The following IKZF3 variants were observed in gnomAD, a reference collection of about 807,000 sequenced individuals.
IKZF3 encodes the protein IKAROS family zinc finger 3.
Under a neutral mutation model 49.0 loss-of-function variants are expected in IKZF3, and 10 were observed. The observed-to-expected ratio is 0.20, with a 90% CI of 0.13 to 0.35. The LOEUF is 0.35. IKZF3 is among the 10% of genes least tolerant of loss of function. The pLI is 1.00. For synonymous variants in IKZF3, 209 were observed against 228.2 expected (o/e 0.92, Z 0.76); for missense variants, 498 against 664.8 (o/e 0.75, Z 2.76).
intron 3 of IKZF3, among the ~76,000 whole-genome samples, chr17:39,804,401 T>C (rs1050070894): frequency 6.8e-6 from 1 of 148,010 alleles, no homozygotes; most frequent in South Asian, 2.1e-4. Flanking sequence ...TGAGCCAAGA[T>C]AGCTCCACTG....
intron 1 of IKZF3, chr17:39,835,970 T>C: frequency 1.6e-6 from 1 of 633,878 alleles, no homozygotes; most frequent in East Asian, 3.3e-5. Flanking sequence ...GCCACGGAGG[T>C]TTGTTGATGT....
Position 39,760,153 on chromosome 17 carries a change from C to T in IKZF3, c.*5637G>A, listed in dbSNP as rs2060147276. 7.3e-6 allele frequency: 1 copy of T among 136,462 alleles called. No individual in the cohort carries two copies. The highest frequency in any genetic ancestry group is 1.5e-5 in the Non-Finnish European group (1 of 64,632). 8.5% of individuals were successfully genotyped at this position (136,462 alleles called of 1,614,324 possible). A position where few individuals can be genotyped will look rare whatever the true frequency, so the allele number is the denominator to read the frequency against. The stretch of plus-strand genomic sequence containing the variant: ...AACAGTACTATTTTTTTCCTTAAAA[C>T]ATTCTTTTTTTTTTTTTTTTTGAGA... On this transcript the variant is annotated 3_prime_UTR_variant, in exon 8 of 8. Coordinates refer to ENST00000346872, the MANE Select transcript of IKZF3 (RefSeq NM_012481.5).
In IKZF3 at chr17:39,760,134, A is replaced by T. The variant is rs989191388; in HGVS notation, c.*5656T>A. The T allele has an allele frequency of 1.9e-5, 2 of 104,280 alleles. No homozygotes were observed. The highest frequency in any genetic ancestry group is 7.1e-5 in the African/African-American group (2 of 27,982). The allele number at this position is 104,280 out of a possible 1,614,324, so 6.5% of individuals were successfully genotyped here. Reference sequence around the variant, plus strand: ...ATCACCTGGGATTATATGTAACAGTACTATTTTTTTCCTTAAAACATTCTT... The same window carrying T: ...ATCACCTGGGATTATATGTAACAGTTCTATTTTTTTCCTTAAAACATTCTT... On this transcript the variant is annotated 3_prime_UTR_variant, in exon 8 of 8. Transcript: ENST00000346872.
At chr17:39,812,532 G>A (rs1252069907) in intron 3 of IKZF3, among the ~76,000 whole-genome samples, 1 of 152,140 alleles carries the variant, frequency 6.6e-6, no homozygotes, top group Admixed American at 6.6e-5. Flanking sequence ...ATACAAAATT[G>A]TTGAAAATTT....
At chr17:39,816,395 C>G (rs9898031) in intron 3 of IKZF3, among the ~76,000 whole-genome samples, 8,680 of 152,232 alleles carry the variant, frequency 0.057, 381 homozygotes, top group African/African-American at 0.12. Context: ...AATGTATACA[C>G]TAGGTTAGGA....
rs759492353 is a variant in IKZF3 at position 39,864,123 on chromosome 17, C to T, written c.4G>A (p.Glu2Lys). M[E>K]DIQTNAELKS... ...AAGAAGCGGGCTGGAGGCTCACCTT[C>T]CATGTCGCTGCCGGGCCGGGCTGGA... The change falls in exon 1 of 8, where the codon GAA becomes AAA. Residue 2 changes from glutamate to lysine, a missense_variant. Physicochemically the swap from Glu to Lys is moderately conservative, Grantham distance 56. Transcript: ENST00000346872. The T allele has an allele frequency of 1.2e-6, 2 of 1,612,816 alleles. No homozygotes were observed. The highest frequency in any genetic ancestry group is 1.7e-6 in the Non-Finnish European group (2 of 1,179,524).
rs1386664681 is a variant in IKZF3 at position 39,760,048 on chromosome 17, A to G, written c.*5742T>C. 5 of 151,672 alleles carry G rather than the reference A, an allele frequency of 3.3e-5. No individual in the cohort carries two copies. The highest frequency in any genetic ancestry group is 6.6e-5 in the Admixed American group (1 of 15,232). The allele number at this position is 151,672 out of a possible 1,614,324, so 9.4% of individuals were successfully genotyped here. A position where few individuals can be genotyped will look rare whatever the true frequency, so the allele number is the denominator to read the frequency against. On this transcript the variant is annotated 3_prime_UTR_variant, in exon 8 of 8. Transcript: ENST00000346872. ...TTCCAAATCTCTGCTAGAGTCCAAC[A>G]TACCTCTTCTCAGTGGGGTACTCTT... is the stretch of plus-strand genomic sequence containing the variant.
chr17:39,758,372 CATGAGT>C lies in IKZF3; in HGVS notation c.*7412_*7417del, dbSNP rs2060110037. On this transcript the variant is annotated 3_prime_UTR_variant, in exon 8 of 8. Transcript: ENST00000346872. ...GCCTTGTCTGCTAGCCTGGAGTATA[CATGAGT>C]CACTGGCGGTGGGATCAGTCATTTT... 3.3e-5 allele frequency: 5 copies of C among 152,334 alleles called. No individual in the cohort carries two copies. In the South Asian group the frequency reaches 1.0e-3, roughly 32 times the overall value. The allele number at this position is 152,334 out of a possible 1,614,324, so 9.4% of individuals were successfully genotyped here.
At position 39,811,885 on chromosome 17, in the gene IKZF3, C is replaced by T. The variant is rs191526477; in HGVS notation, c.163+17502G>A. Among the ~76,000 whole-genome samples, 17 of 152,284 alleles carry T rather than the reference C, an allele frequency of 1.1e-4. No homozygotes were observed. The East Asian group carries it at 3.1e-3, about 28-fold the overall frequency. On this transcript the variant is annotated intron_variant, in intron 3 of 7. Coordinates refer to ENST00000346872, the MANE Select transcript of IKZF3 (RefSeq NM_012481.5). ...TTTGGGACACAATCAAGTACAATAA[C>T]ACCCTGCCACAATACAATGTGTACA...
In IKZF3 at chr17:39,859,708, T is replaced by C. The variant is rs148367674; in HGVS notation, c.7+4412A>G. Among the ~76,000 whole-genome samples, 175 of 152,286 alleles carry C rather than the reference T, an allele frequency of 1.1e-3. 1 individual carries two copies. The highest frequency in any genetic ancestry group is 3.9e-3 in the African/African-American group (161 of 41,570). On this transcript the variant is annotated intron_variant, in intron 1 of 7. Coordinates refer to ENST00000346872, the MANE Select transcript of IKZF3 (RefSeq NM_012481.5). The stretch of plus-strand genomic sequence containing the variant: ...CTGGCCTCATCCTTATAATTTCTAA[T>C]TATCATAAATATACCAGTTAATATG...
At chr17:39,792,216 T>C (rs1006979076) in intron 4 of IKZF3, among the ~76,000 whole-genome samples, 3 of 152,218 alleles carry the variant, frequency 2.0e-5, no homozygotes, top group Non-Finnish European at 4.4e-5. Flanking sequence ...GTTGTGTTTG[T>C]ATGCATTTCT....
chr17:39,798,981 T>TTGTG lies in IKZF3; in HGVS notation c.164-6052_164-6049dup, dbSNP rs549312728. On this transcript the variant is annotated intron_variant, in intron 3 of 7. Coordinates refer to ENST00000346872, the MANE Select transcript of IKZF3 (RefSeq NM_012481.5). ...TAGCTGAGGGCAGAAGCTATACAGA[T>TTGTG]TGTGTGTGTGTGTGCGTGTGTGTGT... Among the ~76,000 whole-genome samples, 4 of 103,308 alleles carry TTGTG rather than the reference T, an allele frequency of 3.9e-5. No individual in the cohort carries two copies. In the South Asian group the frequency reaches 1.5e-3, roughly 40 times the overall value. 67.8% of individuals were successfully genotyped at this position (103,308 alleles called of 152,430 possible). A position where few individuals can be genotyped will look rare whatever the true frequency, so the allele number is the denominator to read the frequency against.
At chr17:39,780,064 C>T (rs2060698615) in intron 6 of IKZF3, among the ~76,000 whole-genome samples, 1 of 151,922 alleles carries the variant, frequency 6.6e-6, no homozygotes, top group Non-Finnish European at 1.5e-5. Flanking sequence ...ATTAGCTGGG[C>T]ATGTTGGCAT....
intron 3 of IKZF3, among the ~76,000 whole-genome samples, chr17:39,810,477 A>G (rs1350210231): frequency 6.6e-6 from 1 of 152,178 alleles, no homozygotes; most frequent in Admixed American, 6.5e-5. Flanking sequence ...AAAATACATA[A>G]GTAAGCTTTT....
In IKZF3 at chr17:39,762,454, C is replaced by T. The variant is rs2060202542; in HGVS notation, c.*3336G>A. The T allele has an allele frequency of 6.6e-6, 1 of 152,296 alleles. No individual in the cohort carries two copies. The highest frequency in any genetic ancestry group is 2.1e-4 in the South Asian group (1 of 4,826). The allele number at this position is 152,296 out of a possible 1,614,324, so 9.4% of individuals were successfully genotyped here. A position where few individuals can be genotyped will look rare whatever the true frequency, so the allele number is the denominator to read the frequency against. ...AAGAAAGTGCCTTTGTGAGTGGTCA[C>T]CTTACTCAGAAAACTAACCTCAGAA... On this transcript the variant is annotated 3_prime_UTR_variant, in exon 8 of 8. Coordinates refer to ENST00000346872, the MANE Select transcript of IKZF3 (RefSeq NM_012481.5).
At chr17:39,789,193 G>A (rs1339935192) in intron 5 of IKZF3, among the ~76,000 whole-genome samples, 1 of 152,170 alleles carries the variant, frequency 6.6e-6, no homozygotes, top group East Asian at 1.9e-4. Flanking sequence ...ACTTTGGGAG[G>A]CCGAAGTGGG....
At chr17:39,771,118 A>G (rs1188946506) in intron 7 of IKZF3, among the ~76,000 whole-genome samples, 3 of 152,180 alleles carry the variant, frequency 2.0e-5, no homozygotes, top group Non-Finnish European at 2.9e-5. Context: ...ATCCCAGTAT[A>G]TGTTTGAGTG....
intron 6 of IKZF3, among the ~76,000 whole-genome samples, chr17:39,781,559 G>C (rs1379784835): frequency 3.9e-5 from 6 of 152,244 alleles, no homozygotes; most frequent in African/African-American, 1.4e-4. Context: ...CATTACCCAG[G>C]AATTACCCCA....
At chr17:39,805,420 G>A (rs370153015) in intron 3 of IKZF3, among the ~76,000 whole-genome samples, 25 of 152,208 alleles carry the variant, frequency 1.6e-4, no homozygotes, top group South Asian at 8.3e-4. Flanking sequence ...GACCCAAAGC[G>A]TATAAAGGAT....
Sources: allele counts gnomAD v4.1 joint callset (sites outside exome capture counted in the v4.1 genomes callset), GRCh38; gene constraint gnomAD v4.1.1; transcripts MANE v1.5; gene names NCBI Gene and HGNC (gene_info 2026-07-23, HGNC 2026-07-21).